Variants in PRPF3 observed in about 807,000 individuals in gnomAD.
The protein encoded by PRPF3 is U4/U6 small nuclear ribonucleoprotein Prp3.
Under a neutral mutation model 89.2 loss-of-function variants are expected in PRPF3, and 3 were observed. The ratio of observed to expected loss-of-function variants is 0.03; its 90% CI spans 0.02 to 0.09. The LOEUF (loss-of-function observed/expected upper bound fraction) is 0.09. PRPF3 is among the 10% of genes least tolerant of loss of function. PRPF3 has a pLI of 1.00. For synonymous variants in PRPF3, 270 were observed against 289.1 expected (o/e 0.93, Z 0.67); for missense variants, 463 against 828.8 (o/e 0.56, Z 5.42).
chr1:150,324,851 T>G, intron 1 of PRPF3, 44 bp from the exon 2 acceptor site: 8 of 1,492,824 alleles, frequency 5.4e-6, no homozygotes, highest in South Asian at 1.2e-5. Flanking sequence ...CCAGCCCACT[T>G]TAGTCTTTTC....
intron 14 of PRPF3, among the ~76,000 whole-genome samples, chr1:150,348,000 C>G (rs1658464785): frequency 6.6e-6 from 1 of 152,184 alleles, no homozygotes; most frequent in African/African-American, 2.4e-5. Context: ...GACTGTCTGT[C>G]TATATTTGAA....
rs1472546290 is a variant in PRPF3 at position 150,335,082 on chromosome 1, A to G, written c.876A>G (p.Gln292=). 7.4e-6 allele frequency: 12 copies of G among 1,614,026 alleles called. No homozygotes were observed. The Admixed American group carries it at 1.7e-4, about 22-fold the overall frequency. ...ATATTCGTGCTGTGAAGAGGGAACAATTCAAGCAACAACTAAAGGAAAAGC... is the reference window on the plus strand; with the variant it reads ...ATATTCGTGCTGTGAAGAGGGAACAGTTCAAGCAACAACTAAAGGAAAAGC... ...KANIRAVKRE[Q]FKQQLKEKPS... is the part of the protein sequence containing the mutation. The change falls in exon 7 of 16, where the codon CAA becomes CAG. Residue 292 remains glutamine, a synonymous_variant. Coordinates refer to ENST00000324862, the MANE Select transcript of PRPF3 (RefSeq NM_004698.4).
intron 8 of PRPF3, among the ~76,000 whole-genome samples, 169 bp downstream of exon 8, chr1:150,338,495 G>GTATTTTTTTTTTT (rs1467846345): frequency 2.8e-5 from 1 of 35,758 alleles, no homozygotes; most frequent in African/African-American, 9.2e-5. Flanking sequence ...ACAAGGTCCT[G>GTATTTTTTTTTTT]TTATTTTTTT....
chr1:150,325,616 T>G, intron 2 of PRPF3, 135 bp from the exon 3 acceptor site: 4 of 1,146,534 alleles, frequency 3.5e-6, no homozygotes, highest in Non-Finnish European at 5.1e-6. Flanking sequence ...GTAAGAGAGA[T>G]GGGAATCCTA....
Position 150,344,415 on chromosome 1 carries a change from G to C in PRPF3, c.1527-19G>C. On this transcript the variant is annotated intron_variant, in intron 11 of 15. Coordinates refer to ENST00000324862, the MANE Select transcript of PRPF3 (RefSeq NM_004698.4). Reference sequence around the variant, plus strand: ...TTCAATGCCTTTCTCACTTGTGGATGTCCTTCCTGTCACGACAGAGCGCAT... The same window carrying C: ...TTCAATGCCTTTCTCACTTGTGGATCTCCTTCCTGTCACGACAGAGCGCAT... 1 of 1,614,180 alleles carries C rather than the reference G, an allele frequency of 6.2e-7. No individual in the cohort carries two copies. Among genetic ancestry groups the C allele is most frequent in the South Asian group, 1.1e-5 (1 of 91,084 alleles).
intron 3 of PRPF3, 134 bp from the exon 4 acceptor site, chr1:150,328,185 TG>T: frequency 1.0e-6 from 1 of 955,136 alleles, no homozygotes; most frequent in Non-Finnish European, 1.6e-6. Flanking sequence ...ACCCTGCTTC[TG>T]GCAGGTGGCT....
intron 1 of PRPF3, among the ~76,000 whole-genome samples, chr1:150,322,233 G>A (rs782152017): frequency 2.6e-5 from 4 of 152,174 alleles, no homozygotes; most frequent in Non-Finnish European, 5.9e-5. Flanking sequence ...GACCCGTTAA[G>A]GTGAGGACTC....
chr1:150,326,119 AG>A (rs1268827269), intron 3 of PRPF3, among the ~76,000 whole-genome samples: 1 of 152,258 alleles, frequency 6.6e-6, no homozygotes, highest in Admixed American at 6.5e-5. Context: ...TTTAGATAAC[AG>A]GAGTTTTGAT....
At chr1:150,335,835 C>G (rs1178199939) in intron 7 of PRPF3, among the ~76,000 whole-genome samples, 4 of 146,652 alleles carry the variant, frequency 2.7e-5, no homozygotes, top group African/African-American at 7.6e-5. Flanking sequence ...GTGGTACAGT[C>G]TCAGCTCACT....
intron 1 of PRPF3, among the ~76,000 whole-genome samples, chr1:150,323,173 C>CTT (rs71083901): frequency 0.013 from 651 of 48,248 alleles, 119 homozygotes; most frequent in African/African-American, 0.034. Context: ...CCGCACCTGG[C>CTT]TTTTTTTTTT....
Position 150,328,472 on chromosome 1 carries a change from T to A in PRPF3, c.423+6T>A. ...GCATGCTGACTAAGCTCCAGGTTAGTGATTAGGGACTGGAAGCAAAGTGGT... is the reference window on the plus strand; with the variant it reads ...GCATGCTGACTAAGCTCCAGGTTAGAGATTAGGGACTGGAAGCAAAGTGGT... On this transcript the variant is annotated splice_donor_region_variant and intron_variant, in intron 4 of 15. Coordinates refer to ENST00000324862, the MANE Select transcript of PRPF3 (RefSeq NM_004698.4). 1 of 1,612,290 alleles carries A rather than the reference T, an allele frequency of 6.2e-7. No homozygotes were observed. The highest frequency in any genetic ancestry group is 8.5e-7 in the Non-Finnish European group (1 of 1,179,638).
chr1:150,347,598 G>C (rs1194342356), intron 14 of PRPF3, among the ~76,000 whole-genome samples: 25 of 151,928 alleles, frequency 1.6e-4, no homozygotes, highest in African/African-American at 4.1e-4. Context: ...CGTGGTGGTG[G>C]ACCTCTGTAA....
intron 14 of PRPF3, among the ~76,000 whole-genome samples, chr1:150,347,301 CAT>C (rs1553873168): frequency 2.0e-5 from 3 of 151,740 alleles, no homozygotes; most frequent in Admixed American, 6.6e-5. Context: ...TACATACACA[CAT>C]GTACACACAC....
In PRPF3 at chr1:150,335,141, A is replaced by G; in HGVS notation, c.935A>G (p.Asp312Gly). The G allele has an allele frequency of 6.2e-7, 1 of 1,613,802 alleles. No homozygotes were observed. Among genetic ancestry groups the G allele is most frequent in the Non-Finnish European group, 8.5e-7 (1 of 1,179,930 alleles). Reference protein sequence around the residue: ...SEDMESNTFFDPRVSIAPSQR... With the variant: ...SEDMESNTFFGPRVSIAPSQR... ...GACATGGAATCCAATACCTTTTTTG[A>G]CCCCCGAGTCTCCATTGCCCCTTCC... The change falls in exon 7 of 16, where the codon GAC becomes GGC. Residue 312 changes from aspartate to glycine, a missense_variant. Physicochemically the swap from Asp to Gly is moderately conservative, Grantham distance 94 (BLOSUM62 -1). This residue lies in a region of PRPF3 where 261 missense variants were observed against 475.8 expected (regional missense o/e 0.55). Coordinates refer to ENST00000324862, the MANE Select transcript of PRPF3 (RefSeq NM_004698.4).
At chr1:150,326,566 G>A (rs1655737934) in intron 3 of PRPF3, among the ~76,000 whole-genome samples, 1 of 151,774 alleles carries the variant, frequency 6.6e-6, no homozygotes, top group Admixed American at 6.6e-5. Context: ...AAAAAGTTCT[G>A]TGACTCCTAT....
chr1:150,347,091 CAAAAA>C (rs1340998234), intron 14 of PRPF3, among the ~76,000 whole-genome samples: 1 of 148,134 alleles, frequency 6.8e-6, no homozygotes, highest in East Asian at 2.0e-4. Flanking sequence ...GACCCTGTCT[CAAAAA>C]AAAGAAAAAG....
intron 8 of PRPF3, 37 bp from the exon 9 acceptor site, chr1:150,340,361 C>G (rs781817173): frequency 1.1e-5 from 16 of 1,403,918 alleles, no homozygotes; most frequent in Non-Finnish European, 1.5e-5. Flanking sequence ...TCATCTCTAC[C>G]CGCATATCGT....
chr1:150,337,848 G>T (rs1354189949), intron 7 of PRPF3, among the ~76,000 whole-genome samples: 1 of 152,094 alleles, frequency 6.6e-6, no homozygotes, highest in Non-Finnish European at 1.5e-5. Context: ...GCCGAGGCGG[G>T]CAGATCACCT....
intron 12 of PRPF3, among the ~76,000 whole-genome samples, chr1:150,345,235 C>T (rs1264541940): frequency 6.6e-6 from 1 of 152,084 alleles, no homozygotes; most frequent in Admixed American, 6.6e-5. Flanking sequence ...TGTCTCCTTT[C>T]TATTCTCTGA....
Sources: allele counts gnomAD v4.1 joint callset (sites outside exome capture counted in the v4.1 genomes callset), GRCh38; gene constraint gnomAD v4.1.1; regional missense constraint gnomAD v4.1.1; transcripts MANE v1.5; gene names NCBI Gene and HGNC (gene_info 2026-07-23, HGNC 2026-07-21).